Variants in HSPA4L observed in about 807,000 individuals in gnomAD.
The protein encoded by HSPA4L is heat shock 70 kDa protein 4L.
In HSPA4L, 48 loss-of-function variants were observed where a neutral mutation model predicts 100.3. The ratio of observed to expected loss-of-function variants is 0.48; its 90% CI spans 0.38 to 0.61. The LOEUF (loss-of-function observed/expected upper bound fraction) is 0.61. HSPA4L is among the 20% of genes least tolerant of loss of function. The probability of loss-of-function intolerance (pLI) is 0.00; values close to 1 mark genes in which losing one functional copy is unlikely to be tolerated. For missense variants in HSPA4L, 886 were observed against 988.6 expected, an observed-to-expected ratio of 0.90 and a Z score of 1.39; for synonymous variants, 319 against 328.2, an observed-to-expected ratio of 0.97 and a Z score of 0.30.
rs772957661 is a variant in HSPA4L at position 127,794,068 on chromosome 4, C to T, written c.108-9C>T. On this transcript the variant is annotated splice_polypyrimidine_tract_variant and intron_variant, in intron 1 of 18. Coordinates refer to ENST00000296464, the MANE Select transcript of HSPA4L (RefSeq NM_014278.4). ...ACCATGGAACAAACTTTTTGTTTTT[C>T]TGGTTTAGGGCCTGTATATCATTGG... The T allele has an allele frequency of 6.4e-7, 1 of 1,574,024 alleles. No individual in the cohort carries two copies. The highest frequency in any genetic ancestry group is 1.2e-5 in the South Asian group (1 of 82,298).
At chr4:127,811,993 T>G (rs1174006409) in intron 12 of HSPA4L, among the ~76,000 whole-genome samples, 3 of 152,188 alleles carry the variant, frequency 2.0e-5, no homozygotes, top group Non-Finnish European at 2.9e-5. Context: ...AATGATAAAT[T>G]TTGAACTATA....
Position 127,807,996 on chromosome 4 carries a change from G to T in HSPA4L, c.1245G>T (p.Gly415=). The stretch of plus-strand genomic sequence containing the variant: ...AGTGAGTTCTTTCCCTCCATTTTAG[G>T]GAATGTGAAGTTTTCTGTAAGAACC... ...RWKTSFEDGS[G]ECEVFCKNHP... is the part of the protein sequence containing the mutation. Residue 415 remains glycine (G), a splice_region_variant and synonymous_variant, in exon 11 of 19, where the codon GGG becomes GGT. Coordinates refer to ENST00000296464, the MANE Select transcript of HSPA4L (RefSeq NM_014278.4). 6.2e-7 allele frequency: 1 copy of T among 1,605,852 alleles called. No homozygotes were observed. Among genetic ancestry groups the T allele is most frequent in the Non-Finnish European group, 8.5e-7 (1 of 1,177,690 alleles).
At chr4:127,793,592 AT>A (rs1419503705) in intron 1 of HSPA4L, among the ~76,000 whole-genome samples, 1 of 152,226 alleles carries the variant, frequency 6.6e-6, no homozygotes, top group Non-Finnish European at 1.5e-5. Flanking sequence ...TGTGCCAATT[AT>A]TGTTCAAAGC....
chr4:127,808,398 A>G (rs1221917525), intron 11 of HSPA4L, among the ~76,000 whole-genome samples: 1 of 152,164 alleles, frequency 6.6e-6, no homozygotes, highest in African/African-American at 2.4e-5. Context: ...TGTACTGAAC[A>G]TGCCTAGACT....
intron 12 of HSPA4L, among the ~76,000 whole-genome samples, chr4:127,816,074 G>T (rs1490909913): frequency 6.6e-6 from 1 of 151,890 alleles, no homozygotes; most frequent in Non-Finnish European, 1.5e-5. Context: ...AAATTGAGAG[G>T]GTAAATCAAG....
In HSPA4L at chr4:127,832,663, C is replaced by A; in HGVS notation, c.2329-20C>A. On this transcript the variant is annotated intron_variant, in intron 18 of 18. Coordinates refer to ENST00000296464, the MANE Select transcript of HSPA4L (RefSeq NM_014278.4). ...TGTTCTGTAATCGTTTTAATATAAT[C>A]AATTTCTTCATGTCTTTAGGAACTG... The A allele has an allele frequency of 3.2e-6, 5 of 1,545,958 alleles. No homozygotes were observed. Among genetic ancestry groups the A allele is most frequent in the South Asian group, 2.5e-5 (2 of 79,488 alleles).
chr4:127,831,827 A>G (rs1734091577), intron 18 of HSPA4L, among the ~76,000 whole-genome samples: 2 of 152,060 alleles, frequency 1.3e-5, no homozygotes, highest in African/African-American at 4.8e-5. Flanking sequence ...AATAACATTC[A>G]GTATGTTTTG....
intron 4 of HSPA4L, among the ~76,000 whole-genome samples, chr4:127,800,006 A>C (rs532875455): frequency 2.0e-4 from 30 of 152,352 alleles, no homozygotes; most frequent in African/African-American, 6.5e-4. Context: ...TTGAAACTTA[A>C]AACTGGAAGA....
At position 127,840,571 on chromosome 4, in the gene HSPA4L, A is replaced by C. The variant is rs1734342962; in HGVS notation, c.*7697A>C. The C allele has an allele frequency of 6.6e-6, 1 of 152,254 alleles. No individual in the cohort carries two copies. The highest frequency in any genetic ancestry group is 1.5e-5 in the Non-Finnish European group (1 of 68,052). 9.4% of individuals were successfully genotyped at this position (152,254 alleles called of 1,614,324 possible). Reference sequence around the variant, plus strand: ...CAAACATATCCATAAGAATGTTTACACATGGCAGTATCAAAGCATATAAAA... The same window carrying C: ...CAAACATATCCATAAGAATGTTTACCCATGGCAGTATCAAAGCATATAAAA... On this transcript the variant is annotated 3_prime_UTR_variant, in exon 19 of 19. Transcript: ENST00000296464.
chr4:127,803,967 A>C (rs1560658692), intron 7 of HSPA4L, 44 bp from the exon 8 acceptor site: 1 of 1,609,236 alleles, frequency 6.2e-7, no homozygotes, highest in East Asian at 2.2e-5. Context: ...GATACGCTCA[A>C]CTTTTAATCC....
intron 1 of HSPA4L, among the ~76,000 whole-genome samples, chr4:127,792,964 A>C (rs1338945322): frequency 6.6e-6 from 1 of 152,222 alleles, no homozygotes; most frequent in Non-Finnish European, 1.5e-5. Context: ...TTCTAGAAAT[A>C]GCAAGGAGAC....
chr4:127,795,665 G>C (rs1448584046), intron 2 of HSPA4L, 103 bp from the exon 3 acceptor site: 1 of 1,031,654 alleles, frequency 9.7e-7, no homozygotes, highest in Admixed American at 2.3e-5. Flanking sequence ...TCCTAAACTT[G>C]GATGTGTAGG....
rs1358175427 is a variant in HSPA4L, at chr4:127,820,492, T to C, written c.1739T>C (p.Ile580Thr). 4 of 1,603,302 alleles carry C rather than the reference T, an allele frequency of 2.5e-6. No individual in the cohort carries two copies. The highest frequency in any genetic ancestry group is 1.1e-5 in the South Asian group (1 of 88,974). The change falls in exon 14 of 19, where the codon ATT (isoleucine) becomes ACT (threonine). Residue 580 changes from isoleucine to threonine, a missense_variant. Coordinates refer to ENST00000296464, the MANE Select transcript of HSPA4L (RefSeq NM_014278.4). ...CTTAAAAAAGGAAAAGTCAAAAGTA[T>C]TGATCTACCGATCCAGAGTAGCCTA... ...QTLKKGKVKS[I>T]DLPIQSSLCR...
rs139015929 is a variant in HSPA4L, at chr4:127,813,195, C to T, written c.1578+1559C>T. On this transcript the variant is annotated intron_variant, in intron 12 of 18. Transcript: ENST00000296464. ...TGCCTCTCCTCTTTCCCTTTGTGTT[C>T]GTCATTTTGGCGAATTACTGGAAGA... 561 of 1,380,500 alleles carry T rather than the reference C, an allele frequency of 4.1e-4. 1 individual carries two copies. In the African/African-American group the frequency reaches 7.1e-3, roughly 17 times the overall value. The allele number at this position is 1,380,500 out of a possible 1,614,324, so 85.5% of individuals were successfully genotyped here.
At chr4:127,791,141 G>A (rs1046243405) in intron 1 of HSPA4L, among the ~76,000 whole-genome samples, 1 of 151,434 alleles carries the variant, frequency 6.6e-6, no homozygotes, top group African/African-American at 2.4e-5. Flanking sequence ...GCAAAATGAA[G>A]CAAGTGAGAT....
chr4:127,806,084 A>G (rs1393996582), intron 10 of HSPA4L, among the ~76,000 whole-genome samples: 2 of 151,982 alleles, frequency 1.3e-5, no homozygotes, highest in Admixed American at 6.6e-5. Context: ...TTTTACAGAC[A>G]TAAACATTTT....
intron 16 of HSPA4L, among the ~76,000 whole-genome samples, chr4:127,825,436 C>T (rs1733925191): frequency 6.6e-6 from 1 of 152,056 alleles, no homozygotes. Context: ...CAACTTGGGA[C>T]AGGCATGAGG....
At chr4:127,789,863 T>C (rs1732825567) in intron 1 of HSPA4L, among the ~76,000 whole-genome samples, 1 of 152,224 alleles carries the variant, frequency 6.6e-6, no homozygotes, top group South Asian at 2.1e-4. Flanking sequence ...AGAGCAAATA[T>C]GTGTTTAATT....
At chr4:127,797,602 A>ATTTTT (rs200747966) in intron 3 of HSPA4L, among the ~76,000 whole-genome samples, 1 of 136,734 alleles carries the variant, frequency 7.3e-6, no homozygotes, top group African/African-American at 2.8e-5. Flanking sequence ...TTTAAAAAAA[A>ATTTTT]TTTTTTTTTT....
Sources: allele counts gnomAD v4.1 joint callset (sites outside exome capture counted in the v4.1 genomes callset), GRCh38; gene constraint gnomAD v4.1.1; transcripts MANE v1.5; gene names NCBI Gene and HGNC (gene_info 2026-07-23, HGNC 2026-07-21).